The following DOCK9 variants were observed in gnomAD, a reference collection of about 807,000 sequenced individuals.
DOCK9 encodes dedicator of cytokinesis 9, also known as dedicator of cytokinesis protein 9.
In DOCK9, 89 loss-of-function variants were observed where a neutral mutation model predicts 263.3. The ratio of observed to expected loss-of-function variants is 0.34; its 90% CI spans 0.28 to 0.40. The LOEUF is 0.40. Ranked by LOEUF, DOCK9 falls within the 10% of genes least tolerant of loss-of-function variation. The probability of loss-of-function intolerance (pLI) is 1.00; values close to 1 mark genes in which losing one functional copy is unlikely to be tolerated. For synonymous variants in DOCK9, 976 were observed against 973.1 expected (o/e 1.00, Z -0.06); for missense variants, 2,140 against 2,603.4 (o/e 0.82, Z 3.87).
chr13:98,835,882 C>T (rs117302347), intron 39 of DOCK9, among the ~76,000 whole-genome samples: 1,847 of 151,900 alleles, frequency 0.012, 70 homozygotes, highest in Admixed American at 0.076. Flanking sequence ...GGACTACAAG[C>T]GCACGCCACC....
chr13:98,803,686 G>A (rs1041176530), intron 49 of DOCK9, among the ~76,000 whole-genome samples: 11 of 152,176 alleles, frequency 7.2e-5, no homozygotes, highest in South Asian at 2.1e-4. Flanking sequence ...ATCTGGAAGC[G>A]CAGTTATTTG....
intron 1 of DOCK9, among the ~76,000 whole-genome samples, chr13:98,991,499 G>A (rs1879796968): frequency 6.6e-6 from 1 of 152,010 alleles, no homozygotes; most frequent in Non-Finnish European, 1.5e-5. Context: ...ATACACACTG[G>A]GTTTCAAAGA....
intron 1 of DOCK9, among the ~76,000 whole-genome samples, chr13:99,036,605 G>A (rs771215732): frequency 6.6e-6 from 1 of 152,160 alleles, no homozygotes; most frequent in Non-Finnish European, 1.5e-5. Flanking sequence ...CCAGTGGAGT[G>A]ATCTTGGCTC....
At chr13:98,841,649 T>A in intron 38 of DOCK9, among the ~76,000 whole-genome samples, 1 of 148,782 alleles carries the variant, frequency 6.7e-6, no homozygotes. Flanking sequence ...GGAGACGAAG[T>A]CTCGCTTTGT....
intron 1 of DOCK9, among the ~76,000 whole-genome samples, chr13:98,965,371 A>G (rs1282304305): frequency 2.0e-5 from 3 of 152,210 alleles, no homozygotes; most frequent in Non-Finnish European, 4.4e-5. Context: ...GAGTGTCTGT[A>G]GGGACAATGA....
At chr13:98,905,685 AT>A (rs1230008657) in intron 9 of DOCK9, among the ~76,000 whole-genome samples, 1 of 152,196 alleles carries the variant, frequency 6.6e-6, no homozygotes, top group African/African-American at 2.4e-5. Flanking sequence ...AGAAAAAAAC[AT>A]AAAAATGGGC....
Position 98,825,886 on chromosome 13 carries a change from C to T in DOCK9, c.5023+944G>A. ...CTCAGGCTCACCTCCCCGGCTCCTC[C>T]TCAGGCAGGCGCTATGGCTGTGGGG... On this transcript the variant is annotated intron_variant, in intron 44 of 52. Coordinates refer to ENST00000682017, the MANE Select transcript of DOCK9 (RefSeq NM_001366683.2). The surrounding 1 kb of genome is among the most constrained non-coding windows in gnomAD (Gnocchi z 4.1). The T allele has an allele frequency of 6.5e-7, 1 of 1,544,876 alleles. No individual in the cohort carries two copies. Among genetic ancestry groups the T allele is most frequent in the Non-Finnish European group, 8.7e-7 (1 of 1,143,710 alleles).
chr13:98,951,868 G>A (rs1327358690), intron 2 of DOCK9, among the ~76,000 whole-genome samples: 2 of 151,062 alleles, frequency 1.3e-5, no homozygotes, highest in Non-Finnish European at 1.5e-5. Flanking sequence ...CCCTGGCCAT[G>A]GCAGATCACA....
rs569610501 is a variant in DOCK9 at position 99,076,194 on chromosome 13, C to T, written c.129+10029G>A. Among the ~76,000 whole-genome samples, 6 of 152,310 alleles carry T rather than the reference C, an allele frequency of 3.9e-5. No individual in the cohort carries two copies. In the South Asian group the frequency reaches 6.2e-4, roughly 16 times the overall value. On this transcript the variant is annotated intron_variant, in intron 1 of 32. Coordinates refer to the DOCK9 transcript ENST00000427887. ...GTAAAAGATATAATGTCACCATCCA[C>T]GTGCTCCTTGCAAAACTCATTATTC...
intron 9 of DOCK9, among the ~76,000 whole-genome samples, chr13:98,907,898 A>G (rs575232406): frequency 1.3e-5 from 2 of 152,340 alleles, no homozygotes; most frequent in East Asian, 1.9e-4. Flanking sequence ...ATAATAGCCA[A>G]TATCTACCTG....
chr13:99,071,305 G>GTTTTTTTTTTTTT lies in DOCK9; in HGVS notation c.129+14917_129+14918insAAAAAAAAAAAAA, dbSNP rs1566387440. 1.6e-4 allele frequency among the ~76,000 whole-genome samples: 11 copies of GTTTTTTTTTTTTT among 70,926 alleles called. No homozygotes were observed. The East Asian group carries it at 5.0e-3, about 32-fold the overall frequency. The allele number at this position is 70,926 out of a possible 152,430, so 46.5% of individuals were successfully genotyped here. ...CTACAGGTGCTTGCCACCATGCCTG[G>GTTTTTTTTTTTTT]CTTTTTTTTTTTTTTTTTTTTTTTT... On this transcript the variant is annotated intron_variant, in intron 1 of 32. Coordinates refer to the DOCK9 transcript ENST00000427887.
intron 47 of DOCK9, chr13:98,809,064 C>T (rs2091024052): frequency 6.6e-7 from 1 of 1,517,354 alleles, no homozygotes; most frequent in East Asian, 2.5e-5. Flanking sequence ...AGCAAACTTG[C>T]AAACCACACT....
rs763872980 is a variant in DOCK9, at chr13:98,863,112, G to A, written c.3486C>T (p.Ala1162=). Residue 1162 remains alanine, a synonymous_variant, in exon 32 of 53, where the codon GCC becomes GCT. Transcript: ENST00000682017. ...GACCAAACAGAGGCAGGTAGAGGGT[G>A]GCTATCCTTGCCTGATGGCTCTGAA... ...YASRSHQARI[A]TLYLPLFGLL... 7 of 1,608,280 alleles carry A rather than the reference G, an allele frequency of 4.4e-6. No homozygotes were observed. The Admixed American group carries it at 1.0e-4, about 23-fold the overall frequency.
chr13:98,834,060 G>A (rs545116387), intron 39 of DOCK9, among the ~76,000 whole-genome samples: 1 of 152,320 alleles, frequency 6.6e-6, no homozygotes, highest in East Asian at 1.9e-4. Flanking sequence ...TAAAGGCATG[G>A]CTTATTTCTA....
At chr13:98,830,282 T>C (rs1187798831) in intron 41 of DOCK9, among the ~76,000 whole-genome samples, 2 of 152,180 alleles carry the variant, frequency 1.3e-5, no homozygotes, top group Non-Finnish European at 2.9e-5. Context: ...TTATTTTCCT[T>C]TTCCTTCACC....
intron 1 of DOCK9, among the ~76,000 whole-genome samples, chr13:99,051,587 C>T (rs544090361): frequency 7.2e-5 from 11 of 152,174 alleles, no homozygotes; most frequent in East Asian, 5.8e-4. Flanking sequence ...AAAGGTCATT[C>T]GCTGATAGTG....
At chr13:98,899,055 T>TTTC (rs1375915558) in intron 13 of DOCK9, among the ~76,000 whole-genome samples, 1 of 149,918 alleles carries the variant, frequency 6.7e-6, no homozygotes, top group Non-Finnish European at 1.5e-5. Flanking sequence ...TTACTTAATT[T>TTTC]TTTTTTTTTT....
At chr13:98,965,855 A>C (rs1443275121) in intron 1 of DOCK9, among the ~76,000 whole-genome samples, 1 of 152,204 alleles carries the variant, frequency 6.6e-6, no homozygotes, top group East Asian at 1.9e-4. Flanking sequence ...GAACAGACTA[A>C]CACCAACAAT....
rs2044449446 is a variant in DOCK9 at position 98,879,797 on chromosome 13, T to C, written c.2943+101A>G. The C allele has an allele frequency of 6.2e-6, 6 of 964,642 alleles. No homozygotes were observed. The South Asian group carries it at 1.0e-4, about 16-fold the overall frequency. 59.8% of individuals were successfully genotyped at this position (964,642 alleles called of 1,614,324 possible). A position where few individuals can be genotyped will look rare whatever the true frequency, so the allele number is the denominator to read the frequency against. ...ACTTGTAAAGCACTTAGAACAGTCC[T>C]GTAACTGGCACAGAGAAAGCATGAA... On this transcript the variant is annotated intron_variant, in intron 27 of 52. Coordinates refer to ENST00000682017, the MANE Select transcript of DOCK9 (RefSeq NM_001366683.2).
Sources: gnomAD v4.1 joint callset for allele counts (sites outside exome capture counted in the v4.1 genomes callset) on GRCh38, gnomAD v4.1.1 for gene constraint, Gnocchi (gnomAD v3.1) non-coding constraint, MANE v1.5 for transcripts, NCBI Gene and HGNC (gene_info 2026-07-23, HGNC 2026-07-21) for gene names.